Variants in ANKRD12 observed in about 807,000 individuals in gnomAD.
ANKRD12 encodes the protein ankyrin repeat domain 12, also known as ankyrin repeat domain-containing protein 12.
Under a neutral mutation model 183.4 loss-of-function variants are expected in ANKRD12, and 85 were observed. The ratio of observed to expected loss-of-function variants is 0.46; its 90% confidence interval spans 0.39 to 0.56. The LOEUF is 0.56. Ranked by LOEUF, ANKRD12 falls within the 20% of genes least tolerant of loss-of-function variation. The pLI, the probability that ANKRD12 is intolerant of heterozygous loss-of-function variation, is 0.00. For synonymous variants in ANKRD12, 914 were observed against 800.2 expected, an observed-to-expected ratio of 1.14 and a Z score of -2.40; for missense variants, 2,405 against 2,357.1, an observed-to-expected ratio of 1.02 and a Z score of -0.42.
intron 8 of ANKRD12, among the ~76,000 whole-genome samples, chr18:9,252,330 G>C (rs1205514013): frequency 6.6e-6 from 1 of 152,162 alleles, no homozygotes; most frequent in Non-Finnish European, 1.5e-5. Context: ...AGGCTGGCCA[G>C]CCTCTGGTTG....
At chr18:9,221,564 T>C (rs879853157) in intron 7 of ANKRD12, among the ~76,000 whole-genome samples, 1 of 151,990 alleles carries the variant, frequency 6.6e-6, no homozygotes, top group Non-Finnish European at 1.5e-5. Context: ...TCAATAAATA[T>C]TTGACTTTAT....
At position 9,256,405 on chromosome 18, in the gene ANKRD12, A is replaced by G. The variant is rs544981961; in HGVS notation, c.3138A>G (p.Lys1046=). ...AAATAAATAGCTTACTCAAACTAAA[A>G]TCTGAAGCAGATAAGCCTAAACCTA... ...KIQINSLLKL[K]SEADKPKPKS... The change falls in exon 9 of 13, where the codon AAA becomes AAG. Residue 1046 remains lysine (K), a synonymous_variant. Transcript: ENST00000262126. The G allele has an allele frequency of 1.9e-6, 3 of 1,610,780 alleles. No individual in the cohort carries two copies. The highest frequency in any genetic ancestry group is 2.7e-5 in the African/African-American group (2 of 74,778).
At chr18:9,213,970 T>G (rs967994554) in intron 6 of ANKRD12, among the ~76,000 whole-genome samples, 1 of 152,032 alleles carries the variant, frequency 6.6e-6, no homozygotes, top group African/African-American at 2.4e-5. Context: ...CTTATATTTA[T>G]TGGAAAGCTT....
At chr18:9,222,081 A>G (rs2036451794) in intron 8 of ANKRD12, 82 bp downstream of exon 8, 1 of 1,499,416 alleles carries the variant, frequency 6.7e-7, no homozygotes, top group Non-Finnish European at 9.1e-7. Context: ...GTAATATACA[A>G]AATGTTTGAA....
chr18:9,266,506 C>T (rs553287630), intron 10 of ANKRD12, among the ~76,000 whole-genome samples: 92 of 152,190 alleles, frequency 6.0e-4, no homozygotes, highest in African/African-American at 2.0e-3. Context: ...ATTTCATATC[C>T]GGCCAAACTA....
At chr18:9,278,149 T>C (rs968038954) in intron 11 of ANKRD12, among the ~76,000 whole-genome samples, 3 of 152,224 alleles carry the variant, frequency 2.0e-5, no homozygotes, top group South Asian at 2.1e-4. Flanking sequence ...GAGAAACTTA[T>C]GCTAAAAACA....
intron 1 of ANKRD12, among the ~76,000 whole-genome samples, chr18:9,161,532 C>T (rs566538524): frequency 1.1e-4 from 16 of 151,792 alleles, no homozygotes; most frequent in African/African-American, 1.2e-4. Context: ...CCCGCCACCA[C>T]GCCTGGCTAA....
chr18:9,203,302 A>C (rs975763914), intron 3 of ANKRD12, among the ~76,000 whole-genome samples: 2 of 152,184 alleles, frequency 1.3e-5, no homozygotes, highest in Non-Finnish European at 2.9e-5. Flanking sequence ...AAAATTTTCA[A>C]ATACGATGCT....
chr18:9,141,226 T>C (rs1236412361), intron 1 of ANKRD12, among the ~76,000 whole-genome samples: 1 of 151,908 alleles, frequency 6.6e-6, no homozygotes, highest in African/African-American at 2.4e-5. Flanking sequence ...GTGGTGGTGG[T>C]GGTGGTGGTT....
chr18:9,184,266 TCTTC>T (rs1230622721), intron 2 of ANKRD12, among the ~76,000 whole-genome samples: 2 of 152,260 alleles, frequency 1.3e-5, no homozygotes, highest in Non-Finnish European at 2.9e-5. Flanking sequence ...GTTCTTAATT[TCTTC>T]CTATGGATTT....
chr18:9,140,265 A>G (rs922974270), intron 1 of ANKRD12, among the ~76,000 whole-genome samples: 3 of 152,218 alleles, frequency 2.0e-5, no homozygotes, highest in Admixed American at 2.0e-4. Flanking sequence ...TAAAGAAAAT[A>G]CAATTCTTAA....
chr18:9,209,882 TAA>T (rs1329437319), intron 5 of ANKRD12, among the ~76,000 whole-genome samples: 3 of 152,174 alleles, frequency 2.0e-5, no homozygotes, highest in African/African-American at 4.8e-5. Flanking sequence ...AGACAAAAAG[TAA>T]AAGTCTTTCA....
intron 11 of ANKRD12, among the ~76,000 whole-genome samples, chr18:9,277,375 T>C (rs2145472271): frequency 7.0e-6 from 1 of 143,194 alleles, no homozygotes; most frequent in East Asian, 2.1e-4. Context: ...TCGCCCAGGC[T>C]GGAGTGCAGT....
chr18:9,235,822 G>T (rs1381657067), intron 8 of ANKRD12: 2 of 378,570 alleles, frequency 5.3e-6, no homozygotes, highest in South Asian at 2.0e-5. Flanking sequence ...GATTTAAAAG[G>T]CTCATCAGAC....
At chr18:9,262,566 C>G (rs2039032262) in intron 9 of ANKRD12, among the ~76,000 whole-genome samples, 1 of 151,784 alleles carries the variant, frequency 6.6e-6, no homozygotes, top group Non-Finnish European at 1.5e-5. Flanking sequence ...CTCAAGCTAT[C>G]CTCCCATCTC....
intron 10 of ANKRD12, among the ~76,000 whole-genome samples, chr18:9,265,313 G>C (rs536668136): frequency 3.3e-4 from 50 of 152,212 alleles, no homozygotes; most frequent in Non-Finnish European, 6.5e-4. Flanking sequence ...ATCTGAGAAC[G>C]GACAGACTGC....
chr18:9,160,763 T>A (rs1170220233), intron 1 of ANKRD12, among the ~76,000 whole-genome samples: 4 of 152,186 alleles, frequency 2.6e-5, no homozygotes, highest in Non-Finnish European at 4.4e-5. Flanking sequence ...GAGAGTAAAT[T>A]GTAATGTTCT....
intron 1 of ANKRD12, chr18:9,137,487 G>A (rs1244032522): frequency 2.0e-5 from 3 of 146,492 alleles, no homozygotes; most frequent in Non-Finnish European, 4.6e-5. Context: ...GACCCGCGGG[G>A]GCGGGGGCGC....
chr18:9,231,234 G>A (rs2037027062), intron 8 of ANKRD12, among the ~76,000 whole-genome samples: 1 of 152,122 alleles, frequency 6.6e-6, no homozygotes, highest in Non-Finnish European at 1.5e-5. Context: ...GCAGTTGTTG[G>A]ATAAAATGTT....
Sources: allele counts gnomAD v4.1 joint callset (sites outside exome capture counted in the v4.1 genomes callset), GRCh38; gene constraint gnomAD v4.1.1; transcripts MANE v1.5; gene names NCBI Gene and HGNC (gene_info 2026-07-23, HGNC 2026-07-21).